FHIT: variants seen among roughly 807,000 people sequenced by gnomAD.
FHIT encodes the protein bis(5'-adenosyl)-triphosphatase.
A neutral mutation model predicts 17.9 loss-of-function variants in FHIT; 19 were observed. The observed-to-expected ratio is 1.06, with a 90% CI of 0.74 to 1.56. The LOEUF (loss-of-function observed/expected upper bound fraction) is 1.56, where lower values mean the gene tolerates loss of function less well. Among genes scored for constraint, FHIT ranks in the 40% most tolerant of loss-of-function variants. FHIT has a pLI of 0.00. For synonymous variants in FHIT, 81 were observed against 69.7 expected (o/e 1.16, Z -0.81); for missense variants, 248 against 189.2 (o/e 1.31, Z -1.82).
intron 5 of FHIT, among the ~76,000 whole-genome samples, chr3:60,247,863 C>T (rs1220993614): frequency 6.6e-6 from 1 of 152,148 alleles, no homozygotes; most frequent in Non-Finnish European, 1.5e-5. Flanking sequence ...AAGGGCTTAG[C>T]ACACAGTAAA....
chr3:61,162,786 A>T (rs2107101570), intron 2 of FHIT, among the ~76,000 whole-genome samples: 1 of 152,236 alleles, frequency 6.6e-6, no homozygotes, highest in South Asian at 2.1e-4. Context: ...TGTTCTCTGG[A>T]GGTTCAATTA....
chr3:60,224,898 T>G (rs534802836), intron 5 of FHIT, among the ~76,000 whole-genome samples: 1 of 152,040 alleles, frequency 6.6e-6, no homozygotes, highest in African/African-American at 2.4e-5. Flanking sequence ...TTTTTGTATT[T>G]TTAGTAGAGA....
intron 4 of FHIT, among the ~76,000 whole-genome samples, chr3:60,546,983 A>T (rs1434585552): frequency 2.0e-5 from 3 of 152,200 alleles, no homozygotes; most frequent in Admixed American, 6.5e-5. Flanking sequence ...TTCAATGAAG[A>T]AGAAAAATAT....
At position 59,974,362 on chromosome 3, in the gene FHIT, T is replaced by C. The variant is rs185119392; in HGVS notation, c.279+37009A>G. 3.1e-3 allele frequency among the ~76,000 whole-genome samples: 474 copies of C among 152,322 alleles called. 5 individuals are homozygous for C. The highest frequency in any genetic ancestry group is 0.017 in the Middle Eastern group (5 of 294). On this transcript the variant is annotated intron_variant, in intron 7 of 9. Coordinates refer to ENST00000492590, the MANE Select transcript of FHIT (RefSeq NM_002012.4). ...AATGGTGAAATTTGTCTTTAAACAC[T>C]GCTTCTAAATGTGTTGGTTAGATGC...
At chr3:60,490,122 C>T (rs972437660) in intron 5 of FHIT, among the ~76,000 whole-genome samples, 1 of 151,962 alleles carries the variant, frequency 6.6e-6, no homozygotes, top group East Asian at 1.9e-4. Flanking sequence ...ACTAGCAATT[C>T]GGTAATCACA....
At chr3:59,893,003 C>G (rs1353766699) in intron 8 of FHIT, among the ~76,000 whole-genome samples, 2 of 152,158 alleles carry the variant, frequency 1.3e-5, no homozygotes, top group Non-Finnish European at 2.9e-5. Context: ...CTCATAGACA[C>G]AGTCAAAGTT....
In FHIT at chr3:60,142,694, C is replaced by CT. The variant is rs61244426; in HGVS notation, c.104-128543dup. ...CATTTTTGCGTTTCTTTTTTTTTTT[C>CT]TTTTTTTTTTTAAGAGATGGGATTT... On this transcript the variant is annotated intron_variant, in intron 5 of 9. Coordinates refer to ENST00000492590, the MANE Select transcript of FHIT (RefSeq NM_002012.4). Among the ~76,000 whole-genome samples, 118 of 141,672 alleles carry CT rather than the reference C, an allele frequency of 8.3e-4. 1 individual carries two copies. The highest frequency in any genetic ancestry group is 6.4e-3 in the East Asian group (31 of 4,850). 92.9% of individuals were successfully genotyped at this position (141,672 alleles called of 152,430 possible).
At chr3:60,087,283 G>T (rs1221138273) in intron 5 of FHIT, among the ~76,000 whole-genome samples, 1 of 152,140 alleles carries the variant, frequency 6.6e-6, no homozygotes, top group African/African-American at 2.4e-5. Context: ...TAGGAGGGGT[G>T]GTTGTGAAGA....
At chr3:60,242,612 T>TACCTCTTC (rs1225976840) in intron 5 of FHIT, among the ~76,000 whole-genome samples, 1 of 151,888 alleles carries the variant, frequency 6.6e-6, no homozygotes, top group Non-Finnish European at 1.5e-5. Flanking sequence ...ATAACTCCAA[T>TACCTCTTC]ACCTCTTCAC....
At chr3:61,147,734 A>G (rs898065239) in intron 2 of FHIT, among the ~76,000 whole-genome samples, 1 of 152,094 alleles carries the variant, frequency 6.6e-6, no homozygotes, top group Admixed American at 6.5e-5. Flanking sequence ...TGAAAATACA[A>G]TATGAGATCA....
chr3:60,320,036 T>C (rs994631941), intron 5 of FHIT, among the ~76,000 whole-genome samples: 1 of 152,152 alleles, frequency 6.6e-6, no homozygotes, highest in Admixed American at 6.5e-5. Flanking sequence ...ACAACTTATA[T>C]CTTAATTTCT....
At chr3:60,173,915 A>ATTTTTT in intron 5 of FHIT, among the ~76,000 whole-genome samples, 4 of 66,444 alleles carry the variant, frequency 6.0e-5, no homozygotes, top group Non-Finnish European at 1.1e-4. Flanking sequence ...ATATATATAT[A>ATTTTTT]TGTTTTTTTT....
At chr3:60,963,395 G>C (rs541118152) in intron 3 of FHIT, among the ~76,000 whole-genome samples, 1 of 152,130 alleles carries the variant, frequency 6.6e-6, no homozygotes, top group South Asian at 2.1e-4. Flanking sequence ...TGGATTCACT[G>C]ATTTTTTGAA....
intron 5 of FHIT, among the ~76,000 whole-genome samples, chr3:60,063,067 C>A (rs58995215): frequency 6.6e-6 from 1 of 152,118 alleles, no homozygotes; most frequent in Admixed American, 6.5e-5. Flanking sequence ...GTTACAGATA[C>A]ATGCAAACAA....
At chr3:59,885,815 G>A (rs1191753224) in intron 8 of FHIT, among the ~76,000 whole-genome samples, 4 of 152,194 alleles carry the variant, frequency 2.6e-5, no homozygotes, top group African/African-American at 4.8e-5. Context: ...TTGCAAGCAC[G>A]TGCCAGGTTT....
intron 5 of FHIT, among the ~76,000 whole-genome samples, chr3:60,216,259 G>T (rs1231481897): frequency 2.6e-5 from 4 of 152,162 alleles, no homozygotes; most frequent in Non-Finnish European, 5.9e-5. Context: ...AGTTTGCTGG[G>T]ATAATCTTAG....
At chr3:60,023,208 T>C (rs1048944491) in intron 5 of FHIT, among the ~76,000 whole-genome samples, 1 of 152,258 alleles carries the variant, frequency 6.6e-6, no homozygotes, top group Non-Finnish European at 1.5e-5. Flanking sequence ...CACTTTGCTA[T>C]GAGAATCATT....
intron 5 of FHIT, among the ~76,000 whole-genome samples, chr3:60,069,023 G>C (rs180681113): frequency 3.1e-4 from 47 of 152,236 alleles, no homozygotes; most frequent in Middle Eastern, 6.8e-3. Flanking sequence ...GAGTAAACTT[G>C]TAATTGCTAT....
At chr3:59,934,663 G>T (rs897999757) in intron 7 of FHIT, among the ~76,000 whole-genome samples, 1 of 152,104 alleles carries the variant, frequency 6.6e-6, no homozygotes, top group Non-Finnish European at 1.5e-5. Context: ...CCTGGCTAGG[G>T]AGGCCTCAGG....
Sources: allele counts gnomAD v4.1 joint callset (sites outside exome capture counted in the v4.1 genomes callset), GRCh38; gene constraint gnomAD v4.1.1; transcripts MANE v1.5; gene names NCBI Gene and HGNC (gene_info 2026-07-23, HGNC 2026-07-21).